NRG1: variants seen among roughly 807,000 people sequenced by gnomAD.
NRG1 encodes pro-neuregulin-1, membrane-bound isoform.
Under a neutral mutation model 63.8 loss-of-function variants are expected in NRG1, and 18 were observed. The observed-to-expected ratio is 0.28, with a 90% CI of 0.19 to 0.42. The LOEUF (loss-of-function observed/expected upper bound fraction) is 0.42, where lower values mean the gene tolerates loss of function less well. NRG1 is among the 10% of genes least tolerant of loss of function. NRG1 has a pLI of 1.00. For synonymous variants in NRG1, 302 were observed against 301.3 expected (o/e 1.00, Z -0.02); for missense variants, 762 against 814.7 (o/e 0.94, Z 0.79).
chr8:31,912,713 G>A (rs919767975), intron 1 of NRG1, among the ~76,000 whole-genome samples: 10 of 152,010 alleles, frequency 6.6e-5, no homozygotes, highest in Admixed American at 6.6e-5. Context: ...ATGTAGTTCC[G>A]TCTCTTGCTC....
intron 1 of NRG1, among the ~76,000 whole-genome samples, chr8:31,643,821 T>C (rs972860071): frequency 6.6e-6 from 1 of 152,216 alleles, no homozygotes; most frequent in African/African-American, 2.4e-5. Context: ...TGTGGTTATA[T>C]GAGGCAGAAG....
At chr8:31,747,899 A>G (rs1195458066) in intron 1 of NRG1, among the ~76,000 whole-genome samples, 6 of 152,070 alleles carry the variant, frequency 3.9e-5, no homozygotes, top group African/African-American at 9.6e-5. Flanking sequence ...AACTTCAGTT[A>G]TCTTTTTAGT....
intron 1 of NRG1, among the ~76,000 whole-genome samples, chr8:32,244,685 A>G (rs577600639): frequency 1.3e-5 from 2 of 152,302 alleles, no homozygotes; most frequent in African/African-American, 2.4e-5. Context: ...GCTGAACAAC[A>G]TAGAGGTGAT....
rs551193435 is a variant in NRG1, at chr8:32,625,831, G to A, written c.502+8946G>A. Among the ~76,000 whole-genome samples, 205 of 135,754 alleles carry A rather than the reference G, an allele frequency of 1.5e-3. 1 individual carries two copies. The highest frequency in any genetic ancestry group is 5.3e-3 in the African/African-American group (187 of 35,454). The allele number at this position is 135,754 out of a possible 152,430, so 89.1% of individuals were successfully genotyped here. On this transcript the variant is annotated intron_variant, in intron 5 of 11. Coordinates refer to ENST00000356819, the Ensembl canonical transcript of NRG1. ...TTTTCTTGAGACGGAGTCTAGCTCC[G>A]TCGTCAGGCTGGAGTGCAGTGGTGT...
chr8:31,641,162 T>A (rs1398692437), intron 1 of NRG1, among the ~76,000 whole-genome samples: 3 of 152,040 alleles, frequency 2.0e-5, no homozygotes, highest in Non-Finnish European at 4.4e-5. Context: ...TGGAGATGGT[T>A]AGGGGTTTGC....
intron 1 of NRG1, among the ~76,000 whole-genome samples, chr8:32,071,267 G>T (rs1462898): frequency 0.98 from 148,724 of 152,334 alleles, 72,700 homozygotes; most frequent in East Asian, 1. Flanking sequence ...AAATATCTTT[G>T]TAAATAAATG....
chr8:32,055,023 G>A (rs1274322784), intron 1 of NRG1, among the ~76,000 whole-genome samples: 3 of 151,404 alleles, frequency 2.0e-5, no homozygotes, highest in Admixed American at 2.0e-4. Flanking sequence ...GAGTTGCTGG[G>A]TCTACAGGCA....
intron 1 of NRG1, among the ~76,000 whole-genome samples, chr8:32,503,480 T>C (rs1588012273): frequency 6.6e-6 from 1 of 152,156 alleles, no homozygotes; most frequent in African/African-American, 2.4e-5. Flanking sequence ...GTCACTGTAC[T>C]ATAAAACAGT....
rs745698832 is a variant in NRG1 at position 32,332,272 on chromosome 8, G to A, written c.38-263556G>A. On this transcript the variant is annotated intron_variant, in intron 1 of 10. Transcript: ENST00000519301. ...GGAAAAACACAAACACAGCAGCCTC[G>A]TGTTCTTCTCAGACATTGGTTTCTC... Among the ~76,000 whole-genome samples, 8 of 152,134 alleles carry A rather than the reference G, an allele frequency of 5.3e-5. No individual in the cohort carries two copies. In the East Asian group the frequency reaches 7.7e-4, roughly 15 times the overall value.
chr8:32,240,912 A>G (rs1848033895), intron 1 of NRG1, among the ~76,000 whole-genome samples: 1 of 152,122 alleles, frequency 6.6e-6, no homozygotes, highest in Non-Finnish European at 1.5e-5. Flanking sequence ...AAGCTTAGTC[A>G]ATGAGAAAAT....
Position 32,443,797 on chromosome 8 carries a change from C to A in NRG1, c.38-152031C>A, listed in dbSNP as rs947543778. Among the ~76,000 whole-genome samples, 4 of 150,930 alleles carry A rather than the reference C, an allele frequency of 2.7e-5. No homozygotes were observed. In the Admixed American group the frequency reaches 2.7e-4, roughly 10 times the overall value. ...GTCTTGCATTTACTAGAAAATCATG[C>A]TTTTCGAGAACGCATTTCTATTATG... On this transcript the variant is annotated intron_variant, in intron 1 of 10. Transcript: ENST00000519301.
chr8:32,089,530 T>A (rs903368025), intron 1 of NRG1, among the ~76,000 whole-genome samples: 2 of 152,140 alleles, frequency 1.3e-5, no homozygotes, highest in African/African-American at 2.4e-5. Flanking sequence ...AATGCCAGAT[T>A]TTTTCTCTCT....
At chr8:31,865,394 C>T (rs570503048) in intron 1 of NRG1, among the ~76,000 whole-genome samples, 12 of 152,136 alleles carry the variant, frequency 7.9e-5, no homozygotes, top group Non-Finnish European at 1.5e-4. Context: ...CTCCTCAGAA[C>T]AAGTGTTCTG....
intron 1 of NRG1, among the ~76,000 whole-genome samples, chr8:32,565,433 T>TA (rs1279314889): frequency 6.6e-6 from 1 of 152,200 alleles, no homozygotes; most frequent in East Asian, 1.9e-4. Context: ...GAACTTTAAC[T>TA]AAAAGTACGT....
intron 1 of NRG1, among the ~76,000 whole-genome samples, chr8:32,041,380 A>G (rs1726543594): frequency 6.6e-6 from 1 of 152,244 alleles, no homozygotes; most frequent in African/African-American, 2.4e-5. Context: ...TACTGAATAC[A>G]ACTATCAAAC....
At chr8:31,660,585 G>A (rs1805892055) in intron 1 of NRG1, among the ~76,000 whole-genome samples, 1 of 152,182 alleles carries the variant, frequency 6.6e-6, no homozygotes, top group South Asian at 2.1e-4. Context: ...GGTAACTTCT[G>A]TACTAACAAA....
At chr8:32,054,401 A>T (rs1299543084) in intron 1 of NRG1, among the ~76,000 whole-genome samples, 1 of 152,220 alleles carries the variant, frequency 6.6e-6, no homozygotes, top group Non-Finnish European at 1.5e-5. Flanking sequence ...CTTATTGAGT[A>T]AAAAGTCAAT....
chr8:31,824,100 G>C (rs1323831625), intron 1 of NRG1, among the ~76,000 whole-genome samples: 1 of 151,790 alleles, frequency 6.6e-6, no homozygotes, highest in South Asian at 2.1e-4. Flanking sequence ...CATGTGCCAT[G>C]TTGGTGTGCT....
At chr8:31,736,946 T>C (rs141156002) in intron 1 of NRG1, among the ~76,000 whole-genome samples, 2 of 152,256 alleles carry the variant, frequency 1.3e-5, no homozygotes, top group East Asian at 1.9e-4. Context: ...GTAAATAAAA[T>C]GTAAAATCTT....
Sources: gnomAD v4.1 joint callset for allele counts (sites outside exome capture counted in the v4.1 genomes callset) on GRCh38, gnomAD v4.1.1 for gene constraint, MANE v1.5 for transcripts, NCBI Gene and HGNC (gene_info 2026-07-23, HGNC 2026-07-21) for gene names.